Variants in COL5A2 observed in about 807,000 individuals in gnomAD.
The protein encoded by COL5A2 is collagen alpha-2(V) chain.
Under a neutral mutation model 208.2 loss-of-function variants are expected in COL5A2, and 23 were observed. The observed-to-expected ratio is 0.11, with a 90% CI of 0.08 to 0.16. The LOEUF is 0.16. Among genes scored for constraint, COL5A2 ranks in the 10% least tolerant of loss-of-function variants. COL5A2 has a pLI of 1.00. For synonymous variants in COL5A2, 625 were observed against 628.5 expected (o/e 0.99, Z 0.08); for missense variants, 1,590 against 1,956.4 (o/e 0.81, Z 3.53).
At chr2:189,440,555 T>C in the COL5A2 span, among the ~76,000 whole-genome samples, 2 of 152,244 alleles carry the variant, frequency 1.3e-5, no homozygotes, top group Non-Finnish European at 2.9e-5. Flanking sequence ...GATTGAAAGA[T>C]CCTTATGTGA....
chr2:189,304,829 C>T, the COL5A2 span, among the ~76,000 whole-genome samples: 1 of 152,184 alleles, frequency 6.6e-6, no homozygotes, highest in Non-Finnish European at 1.5e-5. Context: ...AATTTAATCA[C>T]TTTCTTCTCA....
At chr2:189,136,742 T>G (rs1687834826) in intron 1 of COL5A2, among the ~76,000 whole-genome samples, 2 of 151,924 alleles carry the variant, frequency 1.3e-5, no homozygotes. Flanking sequence ...CATTTATTTT[T>G]AATACTTGGA....
intron 1 of COL5A2, among the ~76,000 whole-genome samples, chr2:189,111,056 CA>C (rs1444119599): frequency 1.3e-5 from 2 of 152,138 alleles, no homozygotes; most frequent in African/African-American, 4.8e-5. Flanking sequence ...GGTGTTTACT[CA>C]ACTGTGGCAG....
chr2:189,420,558 T>A, the COL5A2 span, among the ~76,000 whole-genome samples: 6 of 152,132 alleles, frequency 3.9e-5, no homozygotes, highest in South Asian at 1.0e-3. Flanking sequence ...CCCCCAAATA[T>A]ATGTATATTT....
the COL5A2 span, among the ~76,000 whole-genome samples, chr2:189,433,713 C>A: frequency 5.3e-5 from 8 of 152,092 alleles, no homozygotes; most frequent in Non-Finnish European, 1.2e-4. Context: ...CAAAAAAAGT[C>A]CAGGACCAGA....
At chr2:189,055,242 C>G (rs528815275) in intron 35 of COL5A2, among the ~76,000 whole-genome samples, 4 of 152,248 alleles carry the variant, frequency 2.6e-5, no homozygotes, top group South Asian at 2.1e-4. Flanking sequence ...AGCCTAAAAC[C>G]CCAGCTACTT....
Position 189,179,713 on chromosome 2 carries a change from G to A in COL5A2, c.-109C>T, listed in dbSNP as rs1688748659. On this transcript the variant is annotated 5_prime_UTR_variant, in exon 1 of 54. Coordinates refer to ENST00000374866, the MANE Select transcript of COL5A2 (RefSeq NM_000393.5). ...CTCTTCTTTCAGCACCAGCCCCAGG[G>A]CAGCCTCTGCAAACCCCCTTTTTCA... 2 of 1,536,678 alleles carry A rather than the reference G, an allele frequency of 1.3e-6. No individual in the cohort carries two copies. The highest frequency in any genetic ancestry group is 1.7e-6 in the Non-Finnish European group (2 of 1,144,000).
At chr2:189,237,450 A>G in the COL5A2 span, among the ~76,000 whole-genome samples, 1 of 151,696 alleles carries the variant, frequency 6.6e-6, no homozygotes, top group Non-Finnish European at 1.5e-5. Context: ...AGTAGTCAAT[A>G]TTGCTGGTAA....
the COL5A2 span, among the ~76,000 whole-genome samples, chr2:189,400,304 AACTACACATATGTCAGACCTT>A: frequency 6.6e-6 from 1 of 152,170 alleles, no homozygotes; most frequent in East Asian, 1.9e-4. Context: ...CTGGAACTTC[AACTACACATATGTCAGACCTT>A]TGTCTCACAT....
At chr2:189,065,570 T>G (rs1056098375) in intron 23 of COL5A2, among the ~76,000 whole-genome samples, 1 of 151,980 alleles carries the variant, frequency 6.6e-6, no homozygotes, top group Non-Finnish European at 1.5e-5. Flanking sequence ...CAAGGAAATA[T>G]TCTAACGATT....
At chr2:189,040,873 C>T (rs894973192) in intron 50 of COL5A2, among the ~76,000 whole-genome samples, 5 of 152,040 alleles carry the variant, frequency 3.3e-5, no homozygotes, top group African/African-American at 1.2e-4. Flanking sequence ...ATCTCTTGTC[C>T]ATAGGAAATA....
At chr2:189,280,458 A>AT in the COL5A2 span, among the ~76,000 whole-genome samples, 1 of 152,072 alleles carries the variant, frequency 6.6e-6, no homozygotes, top group Non-Finnish European at 1.5e-5. Context: ...CTCTAAATCC[A>AT]TTTTTTGTCT....
At position 189,054,181 on chromosome 2, in the gene COL5A2, G is replaced by A. The variant is rs575864379; in HGVS notation, c.2423C>T (p.Pro808Leu). 36 of 1,614,010 alleles carry A rather than the reference G, an allele frequency of 2.2e-5. No individual in the cohort carries two copies. The highest frequency in any genetic ancestry group is 1.6e-4 in the South Asian group (15 of 91,072). Residue 808 changes from proline (P) to leucine (L), a missense_variant, in exon 36 of 54, where the codon CCG becomes CTG. Transcript: ENST00000374866. ...GLPGPLGPPG[P>L]AGPTGEKGEP... ...TACCTTTTCTCCAGTAGGACCTGCC[G>A]GACCTGGAGGGCCCAAAGGACCTGG...
At chr2:189,072,263 A>G (rs1002497225) in intron 17 of COL5A2, among the ~76,000 whole-genome samples, 170 bp from the exon 18 acceptor site, 1 of 152,214 alleles carries the variant, frequency 6.6e-6, no homozygotes, top group African/African-American at 2.4e-5. Flanking sequence ...CTTCAACATC[A>G]ATCTAAAGTA....
chr2:189,353,863 T>C, the COL5A2 span, among the ~76,000 whole-genome samples: 1 of 152,222 alleles, frequency 6.6e-6, no homozygotes, highest in Admixed American at 6.5e-5. Flanking sequence ...CCTTGTCTTA[T>C]GCCGGTTTTC....
chr2:189,204,332 G>A (rs1689117610), intron 1 of COL5A2, among the ~76,000 whole-genome samples: 1 of 152,204 alleles, frequency 6.6e-6, no homozygotes, highest in Non-Finnish European at 1.5e-5. Context: ...TCATCAAGCA[G>A]GGCTTTGCCC....
chr2:189,326,231 TATA>T, the COL5A2 span, among the ~76,000 whole-genome samples: 1 of 152,328 alleles, frequency 6.6e-6, no homozygotes, highest in Non-Finnish European at 1.5e-5. Flanking sequence ...ACCAGTTTAT[TATA>T]ATGATGATGA....
chr2:189,209,256 T>A (rs928729452), intron 1 of COL5A2, among the ~76,000 whole-genome samples: 2 of 152,142 alleles, frequency 1.3e-5, no homozygotes, highest in Non-Finnish European at 2.9e-5. Flanking sequence ...CTGACTGACA[T>A]AACCTCTTTA....
the COL5A2 span, among the ~76,000 whole-genome samples, chr2:189,251,054 A>G: frequency 6.6e-6 from 1 of 152,198 alleles, no homozygotes; most frequent in Non-Finnish European, 1.5e-5. Context: ...GAATAATGAC[A>G]CTATTTCACT....
Sources: gnomAD v4.1 joint callset for allele counts (sites outside exome capture counted in the v4.1 genomes callset) on GRCh38, gnomAD v4.1.1 for gene constraint, MANE v1.5 for transcripts, NCBI Gene and HGNC (gene_info 2026-07-23, HGNC 2026-07-21) for gene names.